The following ABCB4 variants were observed in gnomAD, a reference collection of about 807,000 sequenced individuals.
ABCB4 encodes ATP binding cassette subfamily B member 4, also known as phosphatidylcholine translocator ABCB4.
ABCB4 carries 76 observed loss-of-function variants against 145.7 expected under a neutral mutation model. The ratio of observed to expected loss-of-function variants is 0.52; its 90% CI spans 0.43 to 0.63. ABCB4 has a LOEUF of 0.63. ABCB4 is among the 30% of genes least tolerant of loss of function. The pLI, the probability that ABCB4 is intolerant of heterozygous loss-of-function variation, is 0.00. For missense variants in ABCB4, 1,234 were observed against 1,553.1 expected, an observed-to-expected ratio of 0.79 and a Z score of 3.45; for synonymous variants, 517 against 566.8, an observed-to-expected ratio of 0.91 and a Z score of 1.25.
chr7:87,460,919 A>G (rs756308081), intron 4 of ABCB4, among the ~76,000 whole-genome samples: 5 of 151,740 alleles, frequency 3.3e-5, no homozygotes, highest in Non-Finnish European at 5.9e-5. Context: ...ATTTTCTAGG[A>G]AAACAAATAC....
intron 8 of ABCB4, among the ~76,000 whole-genome samples, chr7:87,447,798 T>C (rs1811447749): frequency 1.3e-5 from 2 of 152,222 alleles, no homozygotes; most frequent in Admixed American, 6.5e-5. Context: ...TCACTACTTA[T>C]GGAATATGAG....
At chr7:87,462,013 C>A (rs567105751) in intron 4 of ABCB4, among the ~76,000 whole-genome samples, 1 of 152,266 alleles carries the variant, frequency 6.6e-6, no homozygotes, top group South Asian at 2.1e-4. Context: ...AGCCCAGTGC[C>A]CACAAGGTCT....
At chr7:87,392,502 G>C in the ABCB4 span, 1 of 1,304,020 alleles carries the variant, frequency 7.7e-7, no homozygotes, top group Admixed American at 1.9e-5. Flanking sequence ...AATGAGCTTA[G>C]GATTTTTTTC....
chr7:87,381,815 A>G, the ABCB4 span: 2 of 772,834 alleles, frequency 2.6e-6, no homozygotes, highest in Non-Finnish European at 4.2e-6. Context: ...ATGCTTTATT[A>G]TCTGTTAAGA....
chr7:87,449,423 TTTA>T (rs1199615969), intron 8 of ABCB4, among the ~76,000 whole-genome samples: 2 of 152,076 alleles, frequency 1.3e-5, no homozygotes, highest in Non-Finnish European at 2.9e-5. Flanking sequence ...GGGGCTTTTA[TTTA>T]TTTATTTTTT....
intron 22 of ABCB4, among the ~76,000 whole-genome samples, chr7:87,412,511 T>C (rs1001016440): frequency 2.0e-5 from 3 of 152,180 alleles, no homozygotes; most frequent in Non-Finnish European, 4.4e-5. Context: ...TACATAGATA[T>C]ACACCAGAAG....
At chr7:87,398,893 A>G (rs1020362672), downstream of ABCB4, 2 of 430,184 alleles carry the variant, frequency 4.6e-6, no homozygotes, top group African/African-American at 2.0e-5. Flanking sequence ...ATATAGAACT[A>G]TGCAGTATTT....
downstream of ABCB4, chr7:87,398,877 TA>T (rs1227256491): frequency 1.6e-5 from 8 of 498,092 alleles, no homozygotes; most frequent in Non-Finnish European, 2.9e-5. Context: ...AATTATGACA[TA>T]GTGAATATAG....
chr7:87,429,500 T>C (rs998011236), intron 15 of ABCB4, among the ~76,000 whole-genome samples: 1 of 152,192 alleles, frequency 6.6e-6, no homozygotes, highest in Non-Finnish European at 1.5e-5. Flanking sequence ...TGCATCTCTT[T>C]AGCAGTCTCC....
chr7:87,368,030 T>C, the ABCB4 span, among the ~76,000 whole-genome samples: 2 of 152,212 alleles, frequency 1.3e-5, no homozygotes, highest in Non-Finnish European at 1.5e-5. Flanking sequence ...TGGAAACCAC[T>C]TTCTGAGGCC....
chr7:87,447,817 C>T (rs1487031376), intron 8 of ABCB4, among the ~76,000 whole-genome samples: 2 of 152,140 alleles, frequency 1.3e-5, no homozygotes, highest in Non-Finnish European at 2.9e-5. Context: ...AGTTCTTATT[C>T]AATTTTTCCA....
chr7:87,461,347 C>T (rs553107970), intron 4 of ABCB4, among the ~76,000 whole-genome samples: 3 of 152,334 alleles, frequency 2.0e-5, no homozygotes, highest in Admixed American at 2.0e-4. Context: ...CCATTTAAAA[C>T]TTTCCCAAGC....
In ABCB4 at chr7:87,409,409, G is replaced by T. The variant is rs779028005; in HGVS notation, c.2925-17C>A. On this transcript the variant is annotated splice_polypyrimidine_tract_variant and intron_variant, in intron 23 of 27. Transcript: ENST00000649586. Reference sequence around the variant, plus strand: ...GAAAACACCCTAGACAGAAGTAGAGGAATTCAAAAATTAGCTTTTATAATT... The same window carrying T: ...GAAAACACCCTAGACAGAAGTAGAGTAATTCAAAAATTAGCTTTTATAATT... 8.7e-6 allele frequency: 14 copies of T among 1,613,204 alleles called. No homozygotes were observed. In the Admixed American group the frequency reaches 2.3e-4, roughly 27 times the overall value.
At chr7:87,470,306 T>C (rs960757029) in intron 3 of ABCB4, among the ~76,000 whole-genome samples, 4 of 152,198 alleles carry the variant, frequency 2.6e-5, no homozygotes, top group African/African-American at 9.7e-5. Flanking sequence ...GACATAGGCA[T>C]GGTCAAGGAG....
chr7:87,375,144 C>A, the ABCB4 span: 1 of 153,596 alleles, frequency 6.5e-6, no homozygotes, highest in Admixed American at 6.4e-5. Flanking sequence ...ATAGTTAAAA[C>A]TGATTATATG....
intron 5 of ABCB4, among the ~76,000 whole-genome samples, chr7:87,454,127 T>C (rs1413502103): frequency 6.6e-6 from 1 of 152,178 alleles, no homozygotes; most frequent in Non-Finnish European, 1.5e-5. Context: ...CAGACAGCAC[T>C]CGTTACAATC....
chr7:87,475,713 G>GCCTCGC, upstream of ABCB4: 1 of 445,198 alleles, frequency 2.2e-6, no homozygotes, highest in Non-Finnish European at 4.0e-6. Flanking sequence ...GCTCGCCGCG[G>GCCTCGC]CCTCGCCCCC....
the ABCB4 span, among the ~76,000 whole-genome samples, chr7:87,385,538 T>C: frequency 6.6e-6 from 1 of 152,220 alleles, no homozygotes; most frequent in Non-Finnish European, 1.5e-5. Flanking sequence ...ATATGTTGAT[T>C]TTATATCTTG....
intron 18 of ABCB4, 103 bp downstream of exon 18, chr7:87,422,018 G>T: frequency 1.2e-6 from 1 of 856,712 alleles, no homozygotes. Flanking sequence ...AATCATGTTT[G>T]CAATTTATTT....
Sources: allele counts gnomAD v4.1 joint callset (sites outside exome capture counted in the v4.1 genomes callset), GRCh38; gene constraint gnomAD v4.1.1; transcripts MANE v1.5; gene names NCBI Gene and HGNC (gene_info 2026-07-23, HGNC 2026-07-21).